PROM2: variants seen among roughly 807,000 people sequenced by gnomAD.
PROM2 encodes the protein prominin 2, also known as prominin-2.
In PROM2, 90 loss-of-function variants were observed where a neutral mutation model predicts 110.2. The ratio of observed to expected loss-of-function variants is 0.82; its 90% CI spans 0.69 to 0.97. PROM2 has a LOEUF of 0.97. Among genes scored for constraint, PROM2 ranks in the 50% least tolerant of loss-of-function variants. PROM2 has a pLI of 0.00. For missense variants in PROM2, 1,009 were observed against 1,074.8 expected (o/e 0.94, Z 0.86); for synonymous variants, 470 against 467.8 (o/e 1.00, Z -0.06).
chr2:95,277,944 C>G lies in PROM2; in HGVS notation c.990C>G (p.Asp330Glu), dbSNP rs376108060. 4 of 1,612,446 alleles carry G rather than the reference C, an allele frequency of 2.5e-6. No homozygotes were observed. The highest frequency in any genetic ancestry group is 3.4e-6 in the Non-Finnish European group (4 of 1,179,542). The change falls in exon 8 of 24, where the codon GAC (aspartate) becomes GAG (glutamate). Residue 330 changes from aspartate (D) to glutamate (E), a missense_variant. Asp to Glu is a conservative substitution (Grantham distance 45). Transcript: ENST00000317620. The stretch of plus-strand genomic sequence containing the variant: ...CCCCATTTCAGGTGCCCTCTGTGGA[C>G]CATGTCCTGCACCAGCTAAAAGGTG... ...GADFSQVPSV[D>E]HVLHQLKGVP...
intron 14 of PROM2, among the ~76,000 whole-genome samples, chr2:95,282,730 T>C (rs1230058908): frequency 6.6e-6 from 1 of 152,082 alleles, no homozygotes; most frequent in Non-Finnish European, 1.5e-5. Context: ...TGTGTAGAAC[T>C]GGAGACACTT....
intron 12 of PROM2, 44 bp from the exon 13 acceptor site, chr2:95,281,881 C>A: frequency 7.1e-7 from 1 of 1,415,872 alleles, no homozygotes; most frequent in Non-Finnish European, 1.0e-6. Context: ...GGTGGCCTTG[C>A]CCCCACCCCG....
chr2:95,278,813 C>T, intron 9 of PROM2, 29 bp downstream of exon 9: 1 of 1,613,736 alleles, frequency 6.2e-7, no homozygotes, highest in Non-Finnish European at 8.5e-7. Flanking sequence ...GAGGCAGCTG[C>T]CAGGCATGGC....
chr2:95,276,834 G>A lies in PROM2; in HGVS notation c.683-138G>A. The A allele has an allele frequency of 9.1e-7, 1 of 1,100,488 alleles. No homozygotes were observed. The highest frequency in any genetic ancestry group is 1.3e-6 in the Non-Finnish European group (1 of 752,812). The allele number at this position is 1,100,488 out of a possible 1,614,324, so 68.2% of individuals were successfully genotyped here. On this transcript the variant is annotated intron_variant, in intron 5 of 23. Transcript: ENST00000317620. The surrounding 1 kb of genome is among the most constrained non-coding windows in gnomAD (Gnocchi z 4.6). ...CGCCACTCAGCTGCTGGAGGAAGAA[G>A]CCGTGTCCCCGCTCCTTCACTCCCC...
intron 17 of PROM2, 90 bp from the exon 18 acceptor site, chr2:95,286,714 C>T (rs1677383574): frequency 1.3e-6 from 1 of 789,924 alleles, no homozygotes; most frequent in Non-Finnish European, 2.1e-6. Flanking sequence ...CTCTCCCCTC[C>T]CCTCCCCTCC....
At chr2:95,282,086 A>T in intron 13 of PROM2, 56 bp from the exon 14 acceptor site, 2 of 1,605,694 alleles carry the variant, frequency 1.2e-6, no homozygotes, top group Non-Finnish European at 1.7e-6. Flanking sequence ...CTCAGGGGAC[A>T]TCAGCCCCCC....
Position 95,275,812 on chromosome 2 carries a change from A to C in PROM2, c.295-118A>C. The C allele has an allele frequency of 6.6e-7, 1 of 1,513,392 alleles. No individual in the cohort carries two copies. 93.7% of individuals were successfully genotyped at this position (1,513,392 alleles called of 1,614,324 possible). A position where few individuals can be genotyped will look rare whatever the true frequency, so the allele number is the denominator to read the frequency against. The stretch of plus-strand genomic sequence containing the variant: ...TCACCTCTGGGACGGGTTCCATGAG[A>C]TGCAGGCCATGCCCCTGACGGCACT... On this transcript the variant is annotated intron_variant, in intron 2 of 23. Coordinates refer to ENST00000317620, the MANE Select transcript of PROM2 (RefSeq NM_001165978.3). The surrounding 1 kb of genome is among the most constrained non-coding windows in gnomAD (Gnocchi z 4.4).
chr2:95,288,534 A>G lies in PROM2; in HGVS notation c.2386A>G (p.Ile796Val), dbSNP rs1172300004. ...GTGCACCTTCTTCCTGATCCCCAGC[A>G]TCATCTTTGCCGTCAAGACCTCCAA... is the stretch of plus-strand genomic sequence containing the variant. Reference protein sequence around the residue: ...AWCTFFLIPSIIFAVKTSKYF... With the variant: ...AWCTFFLIPSVIFAVKTSKYF... The change falls in exon 22 of 24, where the codon ATC becomes GTC. Residue 796 changes from isoleucine to valine, a missense_variant. By Grantham distance (29) the Ile-to-Val change is conservative. Coordinates refer to ENST00000317620, the MANE Select transcript of PROM2 (RefSeq NM_001165978.3). The G allele has an allele frequency of 2.5e-6, 4 of 1,614,198 alleles. No homozygotes were observed. Among genetic ancestry groups the G allele is most frequent in the Admixed American group, 3.3e-5 (2 of 60,032 alleles).
chr2:95,279,747 G>T, intron 10 of PROM2, 98 bp from the exon 11 acceptor site: 1 of 999,132 alleles, frequency 1.0e-6, no homozygotes, highest in Non-Finnish European at 1.4e-6. Context: ...CCCCAGCCTT[G>T]GGGTTAGAGG....
intron 20 of PROM2, 102 bp downstream of exon 20, chr2:95,287,566 C>G: frequency 8.4e-7 from 1 of 1,191,016 alleles, no homozygotes; most frequent in Non-Finnish European, 1.2e-6. Context: ...TTGGGGGTGA[C>G]CCAGGCCTTC....
chr2:95,277,355 G>T lies in PROM2; in HGVS notation c.773-9G>T, dbSNP rs1177466273. 2.5e-6 allele frequency: 4 copies of T among 1,603,176 alleles called. No homozygotes were observed. Among genetic ancestry groups the T allele is most frequent in the Non-Finnish European group, 3.4e-6 (4 of 1,173,922 alleles). On this transcript the variant is annotated splice_polypyrimidine_tract_variant and intron_variant, in intron 6 of 23. Coordinates refer to ENST00000317620, the MANE Select transcript of PROM2 (RefSeq NM_001165978.3). ...TGGACCCTGCTCAGGCTGGGTGTGG[G>T]TCTCTCAGTCCTGCAGGTCTCCGTG...
Position 95,274,784 on chromosome 2 carries a change from G to T in PROM2, c.199G>T (p.Val67Leu). 1 of 1,607,172 alleles carries T rather than the reference G, an allele frequency of 6.2e-7. No individual in the cohort carries two copies. Residue 67 changes from valine to leucine, a missense_variant, in exon 1 of 24, where the codon GTG (valine) becomes TTG (leucine). Coordinates refer to ENST00000317620, the MANE Select transcript of PROM2 (RefSeq NM_001165978.3). ...PGLLDSLYGT[V>L]RRFLSVVQLN... ...ACTCCTGGACTCCCTCTATGGCACC[G>T]TGCGCCGCTTCCTCTCGGTGGTGCA...
Position 95,288,207 on chromosome 2 carries a change from AC to A in PROM2, c.2245-3del, listed in dbSNP as rs756604158. Reference sequence around the variant, plus strand: ...GCATCACCTGCCTCATGTTGGCGCCACAGGTGACTCAGCGCATTGCCACCTG... The same window carrying A: ...GCATCACCTGCCTCATGTTGGCGCCAAGGTGACTCAGCGCATTGCCACCTG... On this transcript the variant is annotated splice_polypyrimidine_tract_variant and splice_region_variant and intron_variant, in intron 20 of 23. Coordinates refer to ENST00000317620, the MANE Select transcript of PROM2 (RefSeq NM_001165978.3). The A allele has an allele frequency of 4.3e-6, 7 of 1,613,216 alleles. No homozygotes were observed. The African/African-American group carries it at 5.3e-5, about 12-fold the overall frequency.
rs1435773892 is a variant in PROM2, at chr2:95,287,124, C to T, written c.2095-9C>T. On this transcript the variant is annotated splice_polypyrimidine_tract_variant and intron_variant, in intron 18 of 23. Coordinates refer to ENST00000317620, the MANE Select transcript of PROM2 (RefSeq NM_001165978.3). Reference sequence around the variant, plus strand: ...TGGGACACTGAGTTGAGGCTCTCGTCCCCTCCAGCTGGAGACCTCAGATGT... The same window carrying T: ...TGGGACACTGAGTTGAGGCTCTCGTTCCCTCCAGCTGGAGACCTCAGATGT... 3 of 1,613,056 alleles carry T rather than the reference C, an allele frequency of 1.9e-6. No homozygotes were observed. The highest frequency in any genetic ancestry group is 1.6e-4 in the Middle Eastern group (1 of 6,062).
At position 95,278,783 on chromosome 2, in the gene PROM2, AG is replaced by A; in HGVS notation, c.1114+1del. 6.2e-7 allele frequency: 1 copy of A among 1,613,988 alleles called. No individual in the cohort carries two copies. The highest frequency in any genetic ancestry group is 8.5e-7 in the Non-Finnish European group (1 of 1,180,000). On this transcript the variant is annotated frameshift_variant and splice_region_variant, in exon 9 of 24. Transcript: ENST00000317620. LOFTEE classifies it high-confidence loss of function. ...CCATGCAGACATCCAGCGTGGTGCA[AG>A]GTTAGGCCACACGGGTCAGAGGCAG... Reference protein sequence around the residue: ...AAMQTSSVVQELKKAVAQQPE... With the variant: ...AAMQTSSVVQXLKKAVAQQPE...
Position 95,288,529 on chromosome 2 carries a change from C to G in PROM2, c.2381C>G (p.Pro794Arg). The stretch of plus-strand genomic sequence containing the variant: ...GCATGGTGCACCTTCTTCCTGATCC[C>G]CAGCATCATCTTTGCCGTCAAGACC... ...CLAWCTFFLIPSIIFAVKTSK... is the reference protein window; with the variant it reads ...CLAWCTFFLIRSIIFAVKTSK... The change falls in exon 22 of 24, where the codon CCC becomes CGC. Residue 794 changes from proline (P) to arginine (R), a missense_variant. Coordinates refer to ENST00000317620, the MANE Select transcript of PROM2 (RefSeq NM_001165978.3). 1 of 1,614,218 alleles carries G rather than the reference C, an allele frequency of 6.2e-7. No homozygotes were observed.
intron 13 of PROM2, 23 bp downstream of exon 13, chr2:95,282,039 G>C: frequency 1.9e-6 from 3 of 1,613,170 alleles, no homozygotes; most frequent in Non-Finnish European, 2.5e-6. Context: ...CCTGGGCAGA[G>C]CTGGGACCGG....
Position 95,276,397 on chromosome 2 carries a change from C to T in PROM2, c.618+50C>T, listed in dbSNP as rs552311950. 1.6e-5 allele frequency: 25 copies of T among 1,604,566 alleles called. No individual in the cohort carries two copies. The highest frequency in any genetic ancestry group is 6.7e-5 in the African/African-American group (5 of 74,888). On this transcript the variant is annotated intron_variant, in intron 4 of 23. Coordinates refer to ENST00000317620, the MANE Select transcript of PROM2 (RefSeq NM_001165978.3). This position sits in a 1 kb window ranked among gnomAD's most constrained non-coding sequence, Gnocchi z 4.6. Reference sequence around the variant, plus strand: ...CATGTGCCCCTGTGAGCACTGGGCCCGGGCAGGACAGAGCCGAGTGGGCCC... The same window carrying T: ...CATGTGCCCCTGTGAGCACTGGGCCTGGGCAGGACAGAGCCGAGTGGGCCC...
chr2:95,287,805 G>A lies in PROM2; in HGVS notation c.2244+341G>A, dbSNP rs192149041. ...CCACCTCCCGATGCAGACCCTTGCTGAACACAGCCTCTGCAAGCTGTCTGG... is the reference window on the plus strand; with the variant it reads ...CCACCTCCCGATGCAGACCCTTGCTAAACACAGCCTCTGCAAGCTGTCTGG... On this transcript the variant is annotated intron_variant, in intron 20 of 23. Coordinates refer to ENST00000317620, the MANE Select transcript of PROM2 (RefSeq NM_001165978.3). 5.7e-4 allele frequency among the ~76,000 whole-genome samples: 87 copies of A among 152,354 alleles called. 2 individuals carry two copies. In the East Asian group the frequency reaches 0.017, roughly 29 times the overall value.
Sources: allele counts gnomAD v4.1 joint callset (sites outside exome capture counted in the v4.1 genomes callset), GRCh38; gene constraint gnomAD v4.1.1; non-coding constraint Gnocchi (gnomAD v3.1); transcripts MANE v1.5; gene names NCBI Gene and HGNC (gene_info 2026-07-23, HGNC 2026-07-21).